LMCD1: variants seen among roughly 807,000 people sequenced by gnomAD.
LMCD1 encodes the protein LIM and cysteine rich domains 1, also known as LIM and cysteine-rich domains protein 1.
In LMCD1, 32 loss-of-function variants were observed where a neutral mutation model predicts 42.7. The observed-to-expected ratio is 0.75, with a 90% confidence interval of 0.57 to 1.01. The LOEUF (loss-of-function observed/expected upper bound fraction) is 1.01, where lower values mean the gene tolerates loss of function less well. LMCD1 is among the 50% of genes least tolerant of loss of function. The pLI, the probability that LMCD1 is intolerant of heterozygous loss-of-function variation, is 0.00. For missense variants in LMCD1, 458 were observed against 483.1 expected (o/e 0.95, Z 0.49); for synonymous variants, 178 against 184.9 (o/e 0.96, Z 0.30).
At chr3:8,528,498 T>C (rs1694343372) in intron 1 of LMCD1, among the ~76,000 whole-genome samples, 1 of 152,144 alleles carries the variant, frequency 6.6e-6, no homozygotes, top group African/African-American at 2.4e-5. Flanking sequence ...ATCTAATTAT[T>C]TTTTTAACAA....
chr3:8,567,069 A>G (rs1435902538), intron 5 of LMCD1, among the ~76,000 whole-genome samples: 2 of 152,188 alleles, frequency 1.3e-5, no homozygotes, highest in African/African-American at 4.8e-5. Context: ...GACCCTCTGT[A>G]TTCTTGCTCT....
Position 8,569,166 on chromosome 3 carries a change from G to C in LMCD1, c.*1568G>C, listed in dbSNP as rs1695175753. The stretch of plus-strand genomic sequence containing the variant: ...GGACATTTGAATCCTTCCAAAACTT[G>C]GCTTATGTCTTTCTGGCCTTGGAGC... On this transcript the variant is annotated 3_prime_UTR_variant, in exon 6 of 6. Transcript: ENST00000157600. 2 of 152,174 alleles carry C rather than the reference G, an allele frequency of 1.3e-5. No homozygotes were observed. The highest frequency in any genetic ancestry group is 1.3e-4 in the Admixed American group (2 of 15,282). The allele number at this position is 152,174 out of a possible 1,614,324, so 9.4% of individuals were successfully genotyped here.
intron 1 of LMCD1, among the ~76,000 whole-genome samples, chr3:8,515,786 C>T (rs1008638624): frequency 5.3e-5 from 8 of 151,924 alleles, no homozygotes; most frequent in Non-Finnish European, 8.8e-5. Flanking sequence ...ACCCTAAGAG[C>T]GGGGGATACA....
rs1008963300 is a variant in LMCD1 at position 8,572,240 on chromosome 3, T to C, written c.*4642T>C. On this transcript the variant is annotated 3_prime_UTR_variant, in exon 6 of 6. Coordinates refer to ENST00000157600, the MANE Select transcript of LMCD1 (RefSeq NM_014583.4). ...AATTAGATTCAGCTTATGCATTTTT[T>C]GGAAGGAATACCACAGAAGTGATGT... 1 of 152,254 alleles carries C rather than the reference T, an allele frequency of 6.6e-6. No homozygotes were observed. Among genetic ancestry groups the C allele is most frequent in the Non-Finnish European group, 1.5e-5 (1 of 68,046 alleles). 9.4% of individuals were successfully genotyped at this position (152,254 alleles called of 1,614,324 possible).
chr3:8,516,699 A>G (rs73127966), intron 1 of LMCD1, among the ~76,000 whole-genome samples: 7,069 of 152,296 alleles, frequency 0.046, 290 homozygotes, highest in African/African-American at 0.1. Flanking sequence ...AGGTCTATTC[A>G]AAGTTTTGCA....
At chr3:8,512,891 T>C (rs765957946) in intron 1 of LMCD1, among the ~76,000 whole-genome samples, 1 of 152,082 alleles carries the variant, frequency 6.6e-6, no homozygotes, top group Non-Finnish European at 1.5e-5. Flanking sequence ...AGCTAGTTAG[T>C]GGGAGAGGTA....
chr3:8,552,858 G>T (rs1228300980), intron 4 of LMCD1, among the ~76,000 whole-genome samples: 1 of 152,102 alleles, frequency 6.6e-6, no homozygotes. Flanking sequence ...CGAGTAGCTG[G>T]GACTACAGGC....
At chr3:8,565,388 CTCCTGACTTCCTTG>C (rs752143143) in intron 4 of LMCD1, 30 bp from the exon 5 acceptor site, 20 of 1,559,824 alleles carry the variant, frequency 1.3e-5, no homozygotes, top group Middle Eastern at 3.4e-4. Context: ...TCACTGTGCT[CTCCTGACTTCCTTG>C]TCTCCTATGG....
chr3:8,544,795 A>C (rs574370738), intron 3 of LMCD1, among the ~76,000 whole-genome samples: 53 of 152,302 alleles, frequency 3.5e-4, no homozygotes, highest in Middle Eastern at 3.4e-3. Context: ...GGATGAACCT[A>C]GCAGCAGCCA....
At chr3:8,550,733 C>T in intron 4 of LMCD1, 1 of 984,930 alleles carries the variant, frequency 1.0e-6, no homozygotes, top group African/African-American at 1.7e-5. Flanking sequence ...TGGTCTTTTC[C>T]CGCCCCACCC....
At position 8,548,699 on chromosome 3, in the gene LMCD1, A is replaced by C; in HGVS notation, c.519A>C (p.Gly173=). ...IYDQDPSRCR[G]LLENELKLME... ...ACCAGGATCCCTCGCGCTGCCGTGG[A>C]CTTTTGGAGAATGAGTTGAAACTGA... The change falls in exon 4 of 6, where the codon GGA becomes GGC. Residue 173 remains glycine (G), a synonymous_variant. Transcript: ENST00000157600. 1 of 1,614,162 alleles carries C rather than the reference A, an allele frequency of 6.2e-7. No individual in the cohort carries two copies. The highest frequency in any genetic ancestry group is 8.5e-7 in the Non-Finnish European group (1 of 1,180,038).
chr3:8,539,807 ATTATTATT>A (rs1258072029), intron 3 of LMCD1, among the ~76,000 whole-genome samples: 1 of 145,254 alleles, frequency 6.9e-6, no homozygotes, highest in Admixed American at 6.8e-5. Context: ...TATTATTATT[ATTATTATT>A]ATTATTATTA....
intron 4 of LMCD1, among the ~76,000 whole-genome samples, chr3:8,564,789 C>T (rs541040905): frequency 1.3e-5 from 2 of 152,306 alleles, no homozygotes; most frequent in East Asian, 3.9e-4. Context: ...CTGGAAGGTC[C>T]TTTAAAATGC....
Position 8,570,660 on chromosome 3 carries a change from C to G in LMCD1, c.*3062C>G, listed in dbSNP as rs752332793. 6.6e-6 allele frequency: 1 copy of G among 152,314 alleles called. No individual in the cohort carries two copies. The highest frequency in any genetic ancestry group is 1.5e-5 in the Non-Finnish European group (1 of 68,106). The allele number at this position is 152,314 out of a possible 1,614,324, so 9.4% of individuals were successfully genotyped here. A position where few individuals can be genotyped will look rare whatever the true frequency, so the allele number is the denominator to read the frequency against. On this transcript the variant is annotated 3_prime_UTR_variant, in exon 6 of 6. Transcript: ENST00000157600. The stretch of plus-strand genomic sequence containing the variant: ...ATTTTCTGCTCAGACTGACAAGTCT[C>G]CCCGACGGGAACTCACCCTCTCCAC...
At chr3:8,504,790 T>A (rs1040356285) in intron 1 of LMCD1, among the ~76,000 whole-genome samples, 5 of 152,338 alleles carry the variant, frequency 3.3e-5, no homozygotes, top group East Asian at 1.9e-4. Flanking sequence ...ATCGCCAACA[T>A]TTCTTGGTAA....
At chr3:8,508,447 G>T (rs1435394270) in intron 1 of LMCD1, among the ~76,000 whole-genome samples, 1 of 152,172 alleles carries the variant, frequency 6.6e-6, no homozygotes, top group African/African-American at 2.4e-5. Flanking sequence ...ACTCAAGGTG[G>T]CTGTTTCAAA....
At chr3:8,524,314 G>C (rs541612162) in intron 1 of LMCD1, among the ~76,000 whole-genome samples, 1 of 152,156 alleles carries the variant, frequency 6.6e-6, no homozygotes, top group African/African-American at 2.4e-5. Context: ...GCTTCCACCT[G>C]AAGTTGGGGA....
intron 4 of LMCD1, among the ~76,000 whole-genome samples, chr3:8,554,011 G>T (rs1245447001): frequency 6.6e-6 from 1 of 152,154 alleles, no homozygotes; most frequent in Non-Finnish European, 1.5e-5. Flanking sequence ...AAACTGTGAG[G>T]CTGCAGCAGG....
intron 3 of LMCD1, among the ~76,000 whole-genome samples, chr3:8,546,150 C>A (rs553279003): frequency 8.2e-4 from 123 of 150,370 alleles, no homozygotes; most frequent in African/African-American, 2.8e-3. Flanking sequence ...CAAAACAAAA[C>A]AAAAAAAAAG....
Sources: allele counts gnomAD v4.1 joint callset (sites outside exome capture counted in the v4.1 genomes callset), GRCh38; gene constraint gnomAD v4.1.1; transcripts MANE v1.5; gene names NCBI Gene and HGNC (gene_info 2026-07-23, HGNC 2026-07-21).